Variants in NRG3 observed in about 807,000 individuals in gnomAD.
The protein encoded by NRG3 is neuregulin 3.
In NRG3, 31 loss-of-function variants were observed where a neutral mutation model predicts 66.9. That is an observed-to-expected ratio of 0.46 (90% CI 0.35 to 0.63). The LOEUF (loss-of-function observed/expected upper bound fraction) is 0.63, where lower values mean the gene tolerates loss of function less well. Among genes scored for constraint, NRG3 ranks in the 20% least tolerant of loss-of-function variants. The pLI is 0.00. For missense variants in NRG3, 910 were observed against 878.9 expected, an observed-to-expected ratio of 1.04 and a Z score of -0.45; for synonymous variants, 393 against 359.4, an observed-to-expected ratio of 1.09 and a Z score of -1.06.
chr10:82,647,692 C>T (rs944283673), intron 2 of NRG3, among the ~76,000 whole-genome samples: 3 of 151,436 alleles, frequency 2.0e-5, no homozygotes, highest in Non-Finnish European at 3.0e-5. Flanking sequence ...TTAATGATTG[C>T]CATTCTAACT....
intron 2 of NRG3, among the ~76,000 whole-genome samples, chr10:82,624,478 G>A (rs1302632325): frequency 2.6e-5 from 4 of 151,788 alleles, no homozygotes; most frequent in African/African-American, 7.3e-5. Flanking sequence ...TTAATCATGA[G>A]CAATTAAGTC....
intron 1 of NRG3, among the ~76,000 whole-genome samples, chr10:82,269,756 G>A (rs982131950): frequency 6.6e-6 from 1 of 152,126 alleles, no homozygotes; most frequent in Admixed American, 6.5e-5. Context: ...GGTCCCCCTT[G>A]AGAAGTTTCT....
intron 1 of NRG3, among the ~76,000 whole-genome samples, chr10:82,073,724 A>G (rs1202634364): frequency 2.0e-5 from 3 of 152,200 alleles, no homozygotes; most frequent in African/African-American, 7.2e-5. Context: ...ACTATTACTT[A>G]GAACGCTGTA....
chr10:82,049,763 G>A (rs11813285), intron 1 of NRG3, among the ~76,000 whole-genome samples: 37,883 of 151,472 alleles, frequency 0.25, 4,803 homozygotes, highest in Middle Eastern at 0.33. Flanking sequence ...ATCAATAGCT[G>A]CAATAGATGG....
At chr10:82,247,014 G>A (rs1393721412) in intron 1 of NRG3, among the ~76,000 whole-genome samples, 2 of 152,218 alleles carry the variant, frequency 1.3e-5, no homozygotes, top group Non-Finnish European at 2.9e-5. Context: ...TGATTGTAAT[G>A]CTGTTGGCCC....
intron 8 of NRG3, 141 bp from the exon 9 acceptor site, chr10:82,984,957 C>A: frequency 7.9e-7 from 1 of 1,270,276 alleles, no homozygotes; most frequent in Non-Finnish European, 1.1e-6. Context: ...CTCTGTTTAA[C>A]TGGGAACCTA....
In NRG3 at chr10:82,065,969, T is replaced by C. The variant is rs140915314; in HGVS notation, c.823+189806T>C. ...TTTAGAAATTTTGCAAAGGCCTGTT[T>C]TCCATTGCTATCATCATTTTTATTA... On this transcript the variant is annotated intron_variant, in intron 1 of 8. Transcript: ENST00000372141. 7.2e-5 allele frequency among the ~76,000 whole-genome samples: 11 copies of C among 152,328 alleles called. No individual in the cohort carries two copies. In the East Asian group the frequency reaches 2.1e-3, roughly 29 times the overall value.
At chr10:82,784,464 C>G (rs1361840369) in intron 3 of NRG3, among the ~76,000 whole-genome samples, 1 of 152,056 alleles carries the variant, frequency 6.6e-6, no homozygotes, top group Admixed American at 6.6e-5. Flanking sequence ...ACTCATCTGA[C>G]AAAAGGCTAA....
chr10:82,086,578 CT>C lies in NRG3; in HGVS notation c.823+210416del, dbSNP rs200228467. The stretch of plus-strand genomic sequence containing the variant: ...TCTGGGTCTTGAACCAGTATAATCC[CT>C]GATTAACACAATTGAAATAACCATC... On this transcript the variant is annotated intron_variant, in intron 1 of 8. Transcript: ENST00000372141. 4.0e-3 allele frequency among the ~76,000 whole-genome samples: 607 copies of C among 152,210 alleles called. 8 individuals are homozygous for C. The highest frequency in any genetic ancestry group is 0.013 in the African/African-American group (560 of 41,498).
In NRG3 at chr10:82,371,527, CATAAG is replaced by C. The variant is rs1214100470; in HGVS notation, c.953+12661_953+12665del. 5.9e-5 allele frequency among the ~76,000 whole-genome samples: 9 copies of C among 152,028 alleles called. 1 individual carries two copies. Among genetic ancestry groups the C allele is most frequent in the Non-Finnish European group, 5.9e-5 (4 of 68,018 alleles). On this transcript the variant is annotated intron_variant, in intron 2 of 8. Transcript: ENST00000372141. ...AGTGATGAATGTTCTCAGAAAAACT[CATAAG>C]AGAGGGGTTGAGTTGGATATTTTCT...
In NRG3 at chr10:82,621,222, A is replaced by G. The variant is rs143994660; in HGVS notation, c.954-117355A>G. The stretch of plus-strand genomic sequence containing the variant: ...TCCTATTGTGCTAGTTAAAATACTT[A>G]TTGACCAGGATGAAGTCAGACCTGC... On this transcript the variant is annotated intron_variant, in intron 2 of 8. Transcript: ENST00000372141. Among the ~76,000 whole-genome samples the G allele has an allele frequency of 3.5e-3, 532 of 152,336 alleles. 1 individual carries two copies. Among genetic ancestry groups the G allele is most frequent in the African/African-American group, 0.012 (507 of 41,578 alleles).
chr10:82,290,637 G>T (rs2079672745), intron 1 of NRG3, among the ~76,000 whole-genome samples: 2 of 112,482 alleles, frequency 1.8e-5, no homozygotes, highest in South Asian at 4.8e-4. Context: ...GACTTCAAAT[G>T]ATTTTTTTTT....
At chr10:82,386,601 C>T (rs2086006767) in intron 2 of NRG3, among the ~76,000 whole-genome samples, 1 of 152,050 alleles carries the variant, frequency 6.6e-6, no homozygotes, top group African/African-American at 2.4e-5. Context: ...TCTCAAAGGT[C>T]ATGAAAAAGT....
chr10:82,181,553 C>A (rs971200833), intron 1 of NRG3, among the ~76,000 whole-genome samples: 1 of 151,700 alleles, frequency 6.6e-6, no homozygotes, highest in Non-Finnish European at 1.5e-5. Context: ...TAATTTTCAA[C>A]TATTAGTGAA....
At chr10:82,598,218 C>T (rs145672235) in intron 2 of NRG3, among the ~76,000 whole-genome samples, 28 of 152,224 alleles carry the variant, frequency 1.8e-4, no homozygotes, top group East Asian at 9.7e-4. Flanking sequence ...AGCTAGCAGA[C>T]GCTTCAAATA....
chr10:82,558,463 A>G (rs979602967), intron 2 of NRG3, among the ~76,000 whole-genome samples: 19 of 152,176 alleles, frequency 1.2e-4, no homozygotes, highest in Non-Finnish European at 2.9e-5. Context: ...GTCACTGCAC[A>G]TAACTCAGGC....
intron 2 of NRG3, among the ~76,000 whole-genome samples, chr10:82,508,173 A>T (rs1844853788): frequency 6.6e-6 from 1 of 152,242 alleles, no homozygotes; most frequent in Admixed American, 6.5e-5. Context: ...TCCAATAGAG[A>T]CGATTAAAAT....
chr10:82,654,592 T>C (rs2051696771), intron 2 of NRG3, among the ~76,000 whole-genome samples: 1 of 152,246 alleles, frequency 6.6e-6, no homozygotes, highest in African/African-American at 2.4e-5. Flanking sequence ...TGAATGAACA[T>C]TGTTAAACAT....
intron 2 of NRG3, among the ~76,000 whole-genome samples, chr10:82,393,280 C>T (rs12253008): frequency 0.033 from 5,017 of 152,142 alleles, 219 homozygotes; most frequent in East Asian, 0.22. Flanking sequence ...TTGGATTATG[C>T]TGAGATTAGG....
Sources: gnomAD v4.1 joint callset for allele counts (sites outside exome capture counted in the v4.1 genomes callset) on GRCh38, gnomAD v4.1.1 for gene constraint, MANE v1.5 for transcripts, NCBI Gene and HGNC (gene_info 2026-07-23, HGNC 2026-07-21) for gene names.